The following SHPK variants were observed in gnomAD, a reference collection of about 807,000 sequenced individuals.
SHPK encodes the protein carbohydrate kinase-like protein.
In SHPK, 51 loss-of-function variants were observed where a neutral mutation model predicts 46.3. The ratio of observed to expected loss-of-function variants is 1.10; its 90% CI spans 0.88 to 1.39. The LOEUF (loss-of-function observed/expected upper bound fraction) is 1.39, where lower values mean the gene tolerates loss of function less well. Ranked by LOEUF, SHPK falls within the 40% of genes most tolerant of loss-of-function variation. The probability of loss-of-function intolerance (pLI) is 0.00; values close to 1 mark genes in which losing one functional copy is unlikely to be tolerated. For synonymous variants in SHPK, 290 were observed against 273.9 expected, an observed-to-expected ratio of 1.06 and a Z score of -0.58; for missense variants, 668 against 641.3, an observed-to-expected ratio of 1.04 and a Z score of -0.45.
intron 2 of SHPK, among the ~76,000 whole-genome samples, chr17:3,628,672 G>A (rs987096264): frequency 2.6e-5 from 4 of 151,860 alleles, no homozygotes; most frequent in Non-Finnish European, 2.9e-5. Context: ...TTTCTGAGAC[G>A]GGGTCTTGCT....
At position 3,610,617 on chromosome 17, in the gene SHPK, T is replaced by A; in HGVS notation, c.1380A>T (p.Ala460=). The A allele has an allele frequency of 6.2e-7, 1 of 1,613,770 alleles. No homozygotes were observed. The highest frequency in any genetic ancestry group is 8.5e-7 in the Non-Finnish European group (1 of 1,179,842). Residue 460 remains alanine, a synonymous_variant, in exon 7 of 7, where the codon GCA becomes GCT. Transcript: ENST00000225519. The part of the protein sequence containing the change: ...LPMSFGQDVD[A]AVGAALVMLR... Reference sequence around the variant, plus strand: ...GCATGACCAGAGCTGCCCCGACAGCTGCATCCACATCCTGCCCAAAGGACA... The same window carrying A: ...GCATGACCAGAGCTGCCCCGACAGCAGCATCCACATCCTGCCCAAAGGACA...
chr17:3,633,072 G>A (rs533059689), intron 1 of SHPK, among the ~76,000 whole-genome samples: 14 of 144,852 alleles, frequency 9.7e-5, no homozygotes, highest in African/African-American at 3.6e-4. Flanking sequence ...TCTGCCTCCC[G>A]AGTTCAAGCA....
At chr17:3,623,521 G>C in intron 3 of SHPK, 30 bp from the exon 4 acceptor site, 1 of 1,611,000 alleles carries the variant, frequency 6.2e-7, no homozygotes, top group Non-Finnish European at 8.5e-7. Flanking sequence ...CAACCAACAC[G>C]GTATAACATG....
chr17:3,628,100 C>T (rs1281760315), intron 2 of SHPK, among the ~76,000 whole-genome samples: 1 of 151,982 alleles, frequency 6.6e-6, no homozygotes, highest in Non-Finnish European at 1.5e-5. Context: ...GGCAGGTCAC[C>T]GTGCACTTCA....
At chr17:3,631,520 T>TTTTTTTTTTTTTTTTTTTTTTG (rs2075472002) in intron 1 of SHPK, among the ~76,000 whole-genome samples, 1 of 116,582 alleles carries the variant, frequency 8.6e-6, no homozygotes, top group African/African-American at 3.5e-5. Context: ...TGCTTTTTTT[T>TTTTTTTTTTTTTTTTTTTTTTG]TTTTTTTTTT....
intron 2 of SHPK, 44 bp from the exon 3 acceptor site, chr17:3,624,275 A>C: frequency 6.4e-7 from 1 of 1,563,498 alleles, no homozygotes; most frequent in Non-Finnish European, 8.7e-7. Flanking sequence ...AGAGCAAATG[A>C]CTAGGCATGG....
intron 2 of SHPK, among the ~76,000 whole-genome samples, chr17:3,628,128 G>A (rs369881641): frequency 6.6e-6 from 1 of 151,978 alleles, no homozygotes; most frequent in Non-Finnish European, 1.5e-5. Context: ...CTAAATTGCC[G>A]ACTCTCCATG....
intron 1 of SHPK, among the ~76,000 whole-genome samples, chr17:3,631,709 G>A (rs1007292728): frequency 6.6e-6 from 1 of 151,146 alleles, no homozygotes; most frequent in African/African-American, 2.4e-5. Flanking sequence ...TTTTAGTAGA[G>A]ACGGGGTTTC....
chr17:3,621,448 A>G (rs1409722954), intron 4 of SHPK, 36 bp from the exon 5 acceptor site: 1 of 1,594,606 alleles, frequency 6.3e-7, no homozygotes, highest in Admixed American at 1.7e-5. Context: ...ATGGACCCAC[A>G]GTTAGGTTTC....
In SHPK at chr17:3,624,187, G is replaced by C. The variant is rs144071313; in HGVS notation, c.355C>G (p.Arg119Gly). 1 of 1,614,038 alleles carries C rather than the reference G, an allele frequency of 6.2e-7. No individual in the cohort carries two copies. Among genetic ancestry groups the C allele is most frequent in the Admixed American group, 1.7e-5 (1 of 60,012 alleles). Residue 119 changes from arginine (R) to glycine (G), a missense_variant, in exon 3 of 7, where the codon CGA becomes GGA. Arg to Gly is a moderately radical substitution (Grantham distance 125). Transcript: ENST00000225519. ...EGGITPVFEPRAVSHLVTWQD... is the reference protein window; with the variant it reads ...EGGITPVFEPGAVSHLVTWQD... ...CACGTGACCAGGTGGCTAACAGCTC[G>C]GGGCTCGAACACCGGGGTAATCCCT...
Position 3,624,122 on chromosome 17 carries a change from C to T in SHPK, c.420G>A (p.Leu140=), listed in dbSNP as rs1597574239. The change falls in exon 3 of 7, where the codon CTG becomes CTA. Residue 140 remains leucine, a synonymous_variant. Transcript: ENST00000225519. ...CACTGAGATGAGACTTCGGCTGGGG[C>T]AGAGAGGCCAGGAATTCGCTGCTAC... ...GRCSSEFLAS[L]PQPKSHLSVA... 1 of 1,614,038 alleles carries T rather than the reference C, an allele frequency of 6.2e-7. No homozygotes were observed. The highest frequency in any genetic ancestry group is 1.3e-5 in the African/African-American group (1 of 74,930).
intron 1 of SHPK, among the ~76,000 whole-genome samples, chr17:3,635,103 C>T (rs1297296835): frequency 6.6e-6 from 1 of 150,926 alleles, no homozygotes; most frequent in Non-Finnish European, 1.5e-5. Context: ...ATCCAGTTGG[C>T]GGAGGTTGCA....
Position 3,636,144 on chromosome 17 carries a change from G to A in SHPK, c.76C>T (p.Pro26Ser). 1.2e-6 allele frequency: 2 copies of A among 1,611,974 alleles called. No homozygotes were observed. Among genetic ancestry groups the A allele is most frequent in the Non-Finnish European group, 1.7e-6 (2 of 1,179,070 alleles). ...SVKAALLRAA[P>S]DDPSGFAVLA... ...ACTGCGAACCCGGATGGGTCGTCGG[G>A]CGCGGCCCTCAGCAGAGCTGCCTTC... is the stretch of plus-strand genomic sequence containing the variant. Residue 26 changes from proline to serine, a missense_variant, in exon 1 of 7, where the codon CCC (proline) becomes TCC (serine). By Grantham distance (74) the Pro-to-Ser change is moderately conservative. Transcript: ENST00000225519.
chr17:3,632,155 C>A (rs534809521), intron 1 of SHPK, among the ~76,000 whole-genome samples: 8 of 152,012 alleles, frequency 5.3e-5, no homozygotes, highest in Non-Finnish European at 1.0e-4. Flanking sequence ...CGGGGTTTCA[C>A]CATGTTGGCC....
At chr17:3,612,152 C>T (rs1229050618) in intron 6 of SHPK, among the ~76,000 whole-genome samples, 2 of 151,188 alleles carry the variant, frequency 1.3e-5, no homozygotes, top group African/African-American at 4.8e-5. Flanking sequence ...AAAGGCCAAG[C>T]GCGGTGGCTT....
intron 2 of SHPK, among the ~76,000 whole-genome samples, chr17:3,629,612 C>T (rs1264682259): frequency 6.6e-6 from 1 of 151,824 alleles, no homozygotes; most frequent in Non-Finnish European, 1.5e-5. Flanking sequence ...CCTGTAGTCC[C>T]AGCTACTCTG....
rs574649809 is a variant in SHPK, at chr17:3,635,484, C to G, written c.168+568G>C. 5.9e-3 allele frequency among the ~76,000 whole-genome samples: 899 copies of G among 152,324 alleles called. 2 individuals carry two copies. The highest frequency in any genetic ancestry group is 0.012 in the South Asian group (59 of 4,830). ...TCTCCTGACCTCGTGATCCGCCCGCCTCGGCCTCCCAAAGCGCTGGGATTA... is the reference window on the plus strand; with the variant it reads ...TCTCCTGACCTCGTGATCCGCCCGCGTCGGCCTCCCAAAGCGCTGGGATTA... On this transcript the variant is annotated intron_variant, in intron 1 of 6. Coordinates refer to ENST00000225519, the MANE Select transcript of SHPK (RefSeq NM_013276.4).
chr17:3,635,193 T>TGAAGGAAGGAAGAAATGAAGGAAG (rs746755300), intron 1 of SHPK, among the ~76,000 whole-genome samples: 1 of 60,532 alleles, frequency 1.7e-5, no homozygotes, highest in Non-Finnish European at 2.9e-5. Context: ...AAGGAAAGAA[T>TGAAGGAAGGAAGAAATGAAGGAAG]GAAGGAAGGA....
At chr17:3,617,490 A>G (rs1160198884) in intron 5 of SHPK, among the ~76,000 whole-genome samples, 1 of 152,200 alleles carries the variant, frequency 6.6e-6, no homozygotes, top group East Asian at 1.9e-4. Flanking sequence ...AATTGGGTTT[A>G]GTAAAAGACC....
Sources: gnomAD v4.1 joint callset for allele counts (sites outside exome capture counted in the v4.1 genomes callset) on GRCh38, gnomAD v4.1.1 for gene constraint, MANE v1.5 for transcripts, NCBI Gene and HGNC (gene_info 2026-07-23, HGNC 2026-07-21) for gene names.